Variants in METTL16 observed in about 807,000 individuals in gnomAD.
The protein encoded by METTL16 is RNA N(6)-adenosine-methyltransferase METTL16.
A neutral mutation model predicts 57.9 loss-of-function variants in METTL16; 19 were observed. The observed-to-expected ratio is 0.33, with a 90% CI of 0.23 to 0.48. The LOEUF (loss-of-function observed/expected upper bound fraction) is 0.48, where lower values mean the gene tolerates loss of function less well. Among genes scored for constraint, METTL16 ranks in the 20% least tolerant of loss-of-function variants. METTL16 has a pLI of 0.99. For missense variants in METTL16, 434 were observed against 691.5 expected (o/e 0.63, Z 4.18); for synonymous variants, 246 against 255.6 (o/e 0.96, Z 0.36).
At chr17:2,448,810 A>ATT (rs1357687373) in intron 6 of METTL16, among the ~76,000 whole-genome samples, 1 of 137,800 alleles carries the variant, frequency 7.3e-6, no homozygotes, top group Non-Finnish European at 1.5e-5. Context: ...TTTAAAAAAA[A>ATT]AAAAAAAAAA....
intron 2 of METTL16, among the ~76,000 whole-genome samples, chr17:2,481,387 G>A (rs1893945990): frequency 6.6e-6 from 1 of 151,974 alleles, no homozygotes; most frequent in Admixed American, 6.6e-5. Flanking sequence ...AGTGACCAAA[G>A]TTAATACCCC....
At chr17:2,416,010 C>T (rs2066711768), downstream of METTL16, 1 of 151,996 alleles carries the variant, frequency 6.6e-6, no homozygotes, top group Non-Finnish European at 1.5e-5. Flanking sequence ...ATTAAAAAGT[C>T]GAAAGGGATT....
intron 2 of METTL16, among the ~76,000 whole-genome samples, chr17:2,486,422 C>A (rs1428706373): frequency 6.6e-6 from 1 of 151,956 alleles, no homozygotes; most frequent in African/African-American, 2.4e-5. Context: ...CAGGCATGTA[C>A]CACCATGCCC....
rs187232981 is a variant in METTL16 at position 2,466,305 on chromosome 17, A to T, written c.585+1456T>A. On this transcript the variant is annotated intron_variant, in intron 5 of 9. Transcript: ENST00000263092. ...ACCTGAGTTGGTCCAATGAGAAGAAAATCAAATGTTCAATGGTTTAGGGAA... is the reference window on the plus strand; with the variant it reads ...ACCTGAGTTGGTCCAATGAGAAGAATATCAAATGTTCAATGGTTTAGGGAA... Among the ~76,000 whole-genome samples the T allele has an allele frequency of 3.8e-4, 58 of 152,282 alleles. No individual in the cohort carries two copies. The East Asian group carries it at 7.7e-3, about 20-fold the overall frequency.
chr17:2,449,495 A>G (rs1168305379), intron 6 of METTL16, among the ~76,000 whole-genome samples: 1 of 152,048 alleles, frequency 6.6e-6, no homozygotes, highest in Non-Finnish European at 1.5e-5. Context: ...GGCGTGAGCC[A>G]CCATGTCTGG....
chr17:2,424,865 G>T (rs541859310), intron 8 of METTL16, among the ~76,000 whole-genome samples: 4 of 151,954 alleles, frequency 2.6e-5, no homozygotes, highest in Non-Finnish European at 4.4e-5. Flanking sequence ...GGAGAATGGC[G>T]TGAACCCGGG....
chr17:2,467,699 T>C (rs1046110445), intron 5 of METTL16, 62 bp downstream of exon 5: 1 of 1,291,878 alleles, frequency 7.7e-7, no homozygotes, highest in African/African-American at 1.5e-5. Flanking sequence ...GTGCAGGGAT[T>C]ACAGGCGTGA....
At chr17:2,464,803 C>A (rs1314827299) in intron 5 of METTL16, among the ~76,000 whole-genome samples, 1 of 152,066 alleles carries the variant, frequency 6.6e-6, no homozygotes, top group South Asian at 2.1e-4. Context: ...AAAGCTAAAA[C>A]TATAAATTTT....
chr17:2,464,159 A>T, intron 6 of METTL16, 49 bp downstream of exon 6: 1 of 1,571,298 alleles, frequency 6.4e-7, no homozygotes, highest in Non-Finnish European at 8.6e-7. Context: ...TAGCGGGTAA[A>T]TATTCCTGTG....
At chr17:2,435,757 G>A (rs1467586969) in intron 8 of METTL16, among the ~76,000 whole-genome samples, 1 of 150,742 alleles carries the variant, frequency 6.6e-6, no homozygotes, top group African/African-American at 2.4e-5. Flanking sequence ...ATTATTAGCG[G>A]CTTGGGGCTG....
At chr17:2,443,640 C>T (rs1314667729) in intron 6 of METTL16, among the ~76,000 whole-genome samples, 3 of 151,796 alleles carry the variant, frequency 2.0e-5, no homozygotes, top group South Asian at 4.2e-4. Context: ...GCGCCCACCA[C>T]GACGCCCGGC....
chr17:2,448,800 T>A (rs1597449332), intron 6 of METTL16, among the ~76,000 whole-genome samples: 54 of 64,188 alleles, frequency 8.4e-4, no homozygotes, highest in Non-Finnish European at 9.2e-4. Flanking sequence ...AAAAATAAAA[T>A]TTAAAAAAAA....
At chr17:2,436,468 G>T (rs769729698) in intron 8 of METTL16, among the ~76,000 whole-genome samples, 18 of 152,134 alleles carry the variant, frequency 1.2e-4, no homozygotes, top group Non-Finnish European at 2.2e-4. Flanking sequence ...TCTGCAAATT[G>T]TTCCCTTGTG....
intron 2 of METTL16, among the ~76,000 whole-genome samples, chr17:2,500,455 A>AT (rs2067479145): frequency 6.6e-6 from 1 of 151,722 alleles, no homozygotes; most frequent in African/African-American, 2.4e-5. Flanking sequence ...TCATTTTTGT[A>AT]TTTTTAGTAG....
intron 2 of METTL16, among the ~76,000 whole-genome samples, chr17:2,494,214 GT>G (rs2067423840): frequency 6.6e-6 from 1 of 151,950 alleles, no homozygotes; most frequent in African/African-American, 2.4e-5. Context: ...TAGAGATGGG[GT>G]TTCTCCATGT....
chr17:2,496,848 C>T (rs1475812127), intron 2 of METTL16, among the ~76,000 whole-genome samples: 1 of 151,576 alleles, frequency 6.6e-6, no homozygotes, highest in African/African-American at 2.4e-5. Context: ...CTTCCACCTT[C>T]CACCCTGTGA....
intron 4 of METTL16, among the ~76,000 whole-genome samples, chr17:2,472,456 T>A (rs2067241499): frequency 6.6e-6 from 1 of 152,040 alleles, no homozygotes; most frequent in South Asian, 2.1e-4. Flanking sequence ...CCTAAAGGAG[T>A]CAAAAACTTA....
At chr17:2,479,174 TTTG>T (rs1354120076) in intron 2 of METTL16, among the ~76,000 whole-genome samples, 1 of 152,020 alleles carries the variant, frequency 6.6e-6, no homozygotes, top group Non-Finnish European at 1.5e-5. Flanking sequence ...TTTGTTTTGT[TTTG>T]TTTTGTTTTT....
At chr17:2,440,970 C>CAAAAAAAAAAAAAA (rs760521188) in intron 7 of METTL16, among the ~76,000 whole-genome samples, 9 of 34,056 alleles carry the variant, frequency 2.6e-4, no homozygotes, top group Non-Finnish European at 5.4e-4. Flanking sequence ...GACTTGATCT[C>CAAAAAAAAAAAAAA]AAAAAAAAAA....
Sources: gnomAD v4.1 joint callset for allele counts (sites outside exome capture counted in the v4.1 genomes callset) on GRCh38, gnomAD v4.1.1 for gene constraint, MANE v1.5 for transcripts, NCBI Gene and HGNC (gene_info 2026-07-23, HGNC 2026-07-21) for gene names.